Variants in MAST1 observed in about 807,000 individuals in gnomAD.
The protein encoded by MAST1 is microtubule-associated serine/threonine-protein kinase 1.
In MAST1, 40 loss-of-function variants were observed where a neutral mutation model predicts 124.6. The observed-to-expected ratio is 0.32, with a 90% CI of 0.25 to 0.42. MAST1 has a LOEUF of 0.42. MAST1 is among the 10% of genes least tolerant of loss of function. The probability of loss-of-function intolerance (pLI) is 1.00; values close to 1 mark genes in which losing one functional copy is unlikely to be tolerated. For missense variants in MAST1, 1,558 were observed against 2,181.9 expected (o/e 0.71, Z 5.70); for synonymous variants, 938 against 939.4 (o/e 1.00, Z 0.03).
At chr19:12,860,314 C>T (rs1301858682) in intron 12 of MAST1, among the ~76,000 whole-genome samples, 3 of 151,774 alleles carry the variant, frequency 2.0e-5, no homozygotes, top group Non-Finnish European at 2.9e-5. Context: ...GACGGGGTTT[C>T]ACCGTGTTGG....
In MAST1 at chr19:12,867,794, C is replaced by T. The variant is rs1419279129; in HGVS notation, c.2383C>T (p.Arg795Cys). The change falls in exon 20 of 26, where the codon CGC becomes TGC. Residue 795 changes from arginine to cysteine, a missense_variant. Transcript: ENST00000251472. ...EGEASPPLGA[R>C]RRFSALLEPS... ...AGAGGCCAGTCCCCCTTTGGGCGCCCGCCGCCGTTTCTCGGCGCTGCTGGA... is the reference window on the plus strand; with the variant it reads ...AGAGGCCAGTCCCCCTTTGGGCGCCTGCCGCCGTTTCTCGGCGCTGCTGGA... 5 of 1,568,686 alleles carry T rather than the reference C, an allele frequency of 3.2e-6. No homozygotes were observed. The highest frequency in any genetic ancestry group is 2.4e-5 in the East Asian group (1 of 42,046).
Position 12,861,772 on chromosome 19 carries a change from G to A in MAST1, c.1366+3033G>A, listed in dbSNP as rs35465694. 2.6e-3 allele frequency among the ~76,000 whole-genome samples: 378 copies of A among 147,778 alleles called. 3 individuals are homozygous for A. The highest frequency in any genetic ancestry group is 0.024 in the Admixed American group (351 of 14,762). ...GGCTGGAGTGCAGTGGCGCATCCTC[G>A]GCTCACTGCAACCTCCGCCTCCCGG... On this transcript the variant is annotated intron_variant, in intron 12 of 25. Transcript: ENST00000251472.
In MAST1 at chr19:12,841,001, C is replaced by A; in HGVS notation, c.183C>A (p.Pro61=). The A allele has an allele frequency of 1.5e-6, 2 of 1,337,018 alleles. No homozygotes were observed. Among genetic ancestry groups the A allele is most frequent in the Non-Finnish European group, 2.2e-6 (2 of 926,120 alleles). 82.8% of individuals were successfully genotyped at this position (1,337,018 alleles called of 1,614,324 possible). ...CTCTTTCTCTCATAGGCAGCAGTCCCCTGGACAGCCCCCGAAACTTCTCCC... is the reference window on the plus strand; with the variant it reads ...CTCTTTCTCTCATAGGCAGCAGTCCACTGGACAGCCCCCGAAACTTCTCCC... ...SPLPGHLGSS[P]LDSPRNFSPN... is the part of the protein sequence containing the mutation. The change falls in exon 3 of 26, where the codon CCC becomes CCA. Residue 61 remains proline (P), a synonymous_variant. Transcript: ENST00000251472. The surrounding 1 kb of genome is among the most constrained non-coding windows in gnomAD (Gnocchi z 4.3).
chr19:12,874,098 C>T lies in MAST1; in HGVS notation c.3941C>T (p.Thr1314Met), dbSNP rs1180903227. Reference protein sequence around the residue: ...LHSLAESDGETPPVEGLGAPR... With the variant: ...LHSLAESDGEMPPVEGLGAPR... ...AGCCTTGCCGAGTCCGACGGTGAGA[C>T]GCCCCCAGTCGAGGGCCTTGGCGCG... Residue 1314 changes from threonine to methionine, a missense_variant, in exon 26 of 26, where the codon ACG (threonine) becomes ATG (methionine). Coordinates refer to ENST00000251472, the MANE Select transcript of MAST1 (RefSeq NM_014975.3). This position sits in a 1 kb window ranked among gnomAD's most constrained non-coding sequence, Gnocchi z 6.6. The T allele has an allele frequency of 6.4e-7, 1 of 1,558,834 alleles. No homozygotes were observed. Among genetic ancestry groups the T allele is most frequent in the South Asian group, 1.2e-5 (1 of 85,306 alleles).
Position 12,847,131 on chromosome 19 carries a change from A to G in MAST1, c.328-159A>G. ...TGTCCCTGTCCACCTGTCTGTGGCC[A>G]AGAGTCCCAGCCAAGATCCTAGGAT... is the stretch of plus-strand genomic sequence containing the variant. On this transcript the variant is annotated intron_variant, in intron 4 of 25. Transcript: ENST00000251472. The surrounding 1 kb of genome is among the most constrained non-coding windows in gnomAD (Gnocchi z 5.5). The G allele has an allele frequency of 1.6e-6, 1 of 611,380 alleles. No individual in the cohort carries two copies. The highest frequency in any genetic ancestry group is 2.7e-5 in the East Asian group (1 of 36,374). The allele number at this position is 611,380 out of a possible 1,614,324, so 37.9% of individuals were successfully genotyped here.
chr19:12,859,102 CAG>C (rs772720260), intron 12 of MAST1, among the ~76,000 whole-genome samples: 56 of 151,850 alleles, frequency 3.7e-4, no homozygotes, highest in Non-Finnish European at 7.2e-4. Context: ...TTTTTTGAGA[CAG>C]AGTCTTGCTC....
chr19:12,867,699 T>A (rs755053069), intron 19 of MAST1, 31 bp from the exon 20 acceptor site: 28 of 1,534,192 alleles, frequency 1.8e-5, no homozygotes, highest in African/African-American at 1.4e-5. Flanking sequence ...GAAGGGGGCG[T>A]GTCTTCCATA....
rs145694649 is a variant in MAST1, at chr19:12,865,109, C to T, written c.1569C>T (p.Leu523=). 109 of 1,614,128 alleles carry T rather than the reference C, an allele frequency of 6.8e-5. No homozygotes were observed. The African/African-American group carries it at 1.3e-3, about 19-fold the overall frequency. The change falls in exon 14 of 26, where the codon CTC becomes CTT. Residue 523 remains leucine, a synonymous_variant. Transcript: ENST00000251472. The surrounding 1 kb of genome is among the most constrained non-coding windows in gnomAD (Gnocchi z 7.1). ...ATTTCGGCCTCTCCAAGATGGGGCTCATGAGCCTCACCACCAACTTATATG... is the reference window on the plus strand; with the variant it reads ...ATTTCGGCCTCTCCAAGATGGGGCTTATGAGCCTCACCACCAACTTATATG... ...LTDFGLSKMG[L]MSLTTNLYEG...
chr19:12,852,739 C>T (rs897541668), intron 10 of MAST1, among the ~76,000 whole-genome samples: 2 of 151,426 alleles, frequency 1.3e-5, no homozygotes, highest in Non-Finnish European at 2.9e-5. Flanking sequence ...ATCCCAGCTA[C>T]TTGTGAGGCT....
Position 12,867,560 on chromosome 19 carries a change from C to A in MAST1, c.2226C>A (p.Thr742=). 2 of 1,613,654 alleles carry A rather than the reference C, an allele frequency of 1.2e-6. No individual in the cohort carries two copies. Among genetic ancestry groups the A allele is most frequent in the South Asian group, 1.1e-5 (1 of 91,070 alleles). Residue 742 remains threonine, a synonymous_variant, in exon 19 of 26, where the codon ACC becomes ACA. Coordinates refer to ENST00000251472, the MANE Select transcript of MAST1 (RefSeq NM_014975.3). ...AAGSSKREPS[T]KGPEEKVAGK... ...GGAGCAGCAAGCGGGAGCCGAGCACCAAGGGCCCCGAGGAGAAGGTGGCCG... is the reference window on the plus strand; with the variant it reads ...GGAGCAGCAAGCGGGAGCCGAGCACAAAGGGCCCCGAGGAGAAGGTGGCCG...
chr19:12,870,982 T>A, intron 23 of MAST1, 36 bp downstream of exon 23: 1 of 1,612,478 alleles, frequency 6.2e-7, no homozygotes, highest in Admixed American at 1.7e-5. Context: ...GGGCGGAGGG[T>A]GGGGGAGGCC....
chr19:12,869,413 C>T, intron 22 of MAST1, 118 bp downstream of exon 22: 2 of 724,306 alleles, frequency 2.8e-6, no homozygotes, highest in South Asian at 3.6e-5. Flanking sequence ...TGCCTCTTCC[C>T]TCTCTAAACC....
intron 10 of MAST1, among the ~76,000 whole-genome samples, chr19:12,852,808 C>G (rs1255832731): frequency 1.3e-5 from 2 of 151,736 alleles, no homozygotes; most frequent in African/African-American, 4.8e-5. Context: ...GAGATTACAC[C>G]ACTGCACTCC....
rs945972396 is a variant in MAST1 at position 12,874,092 on chromosome 19, G to T, written c.3935G>T (p.Gly1312Val). 1.9e-6 allele frequency: 3 copies of T among 1,567,348 alleles called. No homozygotes were observed. In the African/African-American group the frequency reaches 4.0e-5, roughly 21 times the overall value. The change falls in exon 26 of 26, where the codon GGT becomes GTT. Residue 1312 changes from glycine to valine, a missense_variant. Gly to Val is a moderately radical substitution (Grantham distance 109, BLOSUM62 -3). Around this residue, in one of 10 missense-constraint regions of MAST1, gnomAD observed 263 missense variants for 310.9 expected, o/e 0.85. Transcript: ENST00000251472. This position sits in a 1 kb window ranked among gnomAD's most constrained non-coding sequence, Gnocchi z 6.6. Reference sequence around the variant, plus strand: ...CTGCATAGCCTTGCCGAGTCCGACGGTGAGACGCCCCCAGTCGAGGGCCTT... The same window carrying T: ...CTGCATAGCCTTGCCGAGTCCGACGTTGAGACGCCCCCAGTCGAGGGCCTT... ...LALHSLAESD[G>V]ETPPVEGLGA...
At position 12,865,876 on chromosome 19, in the gene MAST1, C is replaced by G. The variant is rs1970147825; in HGVS notation, c.1906+58C>G. On this transcript the variant is annotated intron_variant, in intron 16 of 25. Transcript: ENST00000251472. The surrounding 1 kb of genome is among the most constrained non-coding windows in gnomAD (Gnocchi z 7.1). ...ACTGATAGAGAGCAGGCCTCCAAAA[C>G]CCCAGGCCCAGCCTGTGCTGTGGCC... The G allele has an allele frequency of 1.9e-6, 3 of 1,602,854 alleles. No homozygotes were observed. Among genetic ancestry groups the G allele is most frequent in the Non-Finnish European group, 2.6e-6 (3 of 1,172,572 alleles).
In MAST1 at chr19:12,865,576, A is replaced by G; in HGVS notation, c.1804+95A>G. The G allele has an allele frequency of 2.7e-6, 4 of 1,498,342 alleles. No homozygotes were observed. The highest frequency in any genetic ancestry group is 3.6e-6 in the Non-Finnish European group (4 of 1,109,258). 92.8% of individuals were successfully genotyped at this position (1,498,342 alleles called of 1,614,324 possible). ...AGGGATTTCAAAAGCGACCCCCCAG[A>G]GGATCGCTTGCACTCAGGAGGTCAA... On this transcript the variant is annotated intron_variant, in intron 15 of 25. Coordinates refer to ENST00000251472, the MANE Select transcript of MAST1 (RefSeq NM_014975.3). The surrounding 1 kb of genome is among the most constrained non-coding windows in gnomAD (Gnocchi z 7.1).
In MAST1 at chr19:12,874,863, G is replaced by T; in HGVS notation, c.4706G>T (p.Gly1569Val). The T allele has an allele frequency of 6.3e-7, 1 of 1,598,002 alleles. No individual in the cohort carries two copies. The highest frequency in any genetic ancestry group is 8.5e-7 in the Non-Finnish European group (1 of 1,173,928). ...GGAGTGTCCAGTCCCGCACCCCCGGGACCATAGCCAAGGGGGTCATCGGCC... is the reference window on the plus strand; with the variant it reads ...GGAGTGTCCAGTCCCGCACCCCCGGTACCATAGCCAAGGGGGTCATCGGCC... ...KKGVSSPAPP[G>V]P The change falls in exon 26 of 26, where the codon GGA (glycine) becomes GTA (valine). Residue 1569 changes from glycine (G) to valine (V), a missense_variant. Gly to Val is a moderately radical substitution (Grantham distance 109). This residue lies in a region of MAST1 where 168 missense variants were observed against 154.3 expected (regional missense o/e 1.09). Coordinates refer to ENST00000251472, the MANE Select transcript of MAST1 (RefSeq NM_014975.3). This position sits in a 1 kb window ranked among gnomAD's most constrained non-coding sequence, Gnocchi z 6.6.
chr19:12,860,494 G>A (rs1244393101), intron 12 of MAST1, among the ~76,000 whole-genome samples: 3 of 136,120 alleles, frequency 2.2e-5, no homozygotes, highest in Admixed American at 8.2e-5. Flanking sequence ...CACCAGGCTC[G>A]AATGCAGTGG....
rs1483896359 is a variant in MAST1 at position 12,870,807 on chromosome 19, G to T, written c.3004-17G>T. On this transcript the variant is annotated splice_polypyrimidine_tract_variant and intron_variant, in intron 22 of 25. Transcript: ENST00000251472. ...CAATCCCACTAACCCTGTCCCTATG[G>T]GGTGCTCTTTTCCCAGCATGTGGAG... 6.3e-7 allele frequency: 1 copy of T among 1,591,822 alleles called. No individual in the cohort carries two copies. The highest frequency in any genetic ancestry group is 1.3e-5 in the African/African-American group (1 of 74,346).
Sources: allele counts gnomAD v4.1 joint callset (sites outside exome capture counted in the v4.1 genomes callset), GRCh38; gene constraint gnomAD v4.1.1; regional missense constraint gnomAD v4.1.1; non-coding constraint Gnocchi (gnomAD v3.1); transcripts MANE v1.5; gene names NCBI Gene and HGNC (gene_info 2026-07-23, HGNC 2026-07-21).